AGBL1: variants seen among roughly 807,000 people sequenced by gnomAD.
The protein encoded by AGBL1 is cytosolic carboxypeptidase 4.
Under a neutral mutation model 118.9 loss-of-function variants are expected in AGBL1, and 130 were observed. The observed-to-expected ratio is 1.09, with a 90% CI of 0.95 to 1.26. The LOEUF is 1.26. Ranked by LOEUF, AGBL1 falls within the 50% of genes most tolerant of loss-of-function variation. The pLI, the probability that AGBL1 is intolerant of heterozygous loss-of-function variation, is 0.00. For synonymous variants in AGBL1, 555 were observed against 478.9 expected (o/e 1.16, Z -2.08); for missense variants, 1,584 against 1,298.1 (o/e 1.22, Z -3.38).
At chr15:86,319,235 T>C (rs1241464265) in intron 17 of AGBL1, among the ~76,000 whole-genome samples, 1 of 152,148 alleles carries the variant, frequency 6.6e-6, no homozygotes, top group Non-Finnish European at 1.5e-5. Flanking sequence ...TGTTTAACTT[T>C]ACTAGGGAAT....
chr15:86,459,596 A>T (rs927657898), intron 18 of AGBL1, among the ~76,000 whole-genome samples: 10 of 152,116 alleles, frequency 6.6e-5, no homozygotes, highest in African/African-American at 2.2e-4. Flanking sequence ...TTAAGTCTTG[A>T]TTCTGTTATA....
At chr15:86,776,867 T>C (rs7183366) in intron 22 of AGBL1, among the ~76,000 whole-genome samples, 35,321 of 151,386 alleles carry the variant, frequency 0.23, 4,239 homozygotes, top group African/African-American at 0.29. Flanking sequence ...CACGGGAGTA[T>C]GTATTATTTT....
chr15:86,826,613 G>A (rs1191846016), intron 22 of AGBL1, among the ~76,000 whole-genome samples: 2 of 151,876 alleles, frequency 1.3e-5, no homozygotes, highest in Non-Finnish European at 2.9e-5. Context: ...TAAAATTTCA[G>A]GTTTTAAAAT....
intron 6 of AGBL1, among the ~76,000 whole-genome samples, chr15:86,229,829 A>G (rs952983390): frequency 1.3e-5 from 2 of 152,210 alleles, no homozygotes; most frequent in Non-Finnish European, 2.9e-5. Flanking sequence ...CTTAGTATTA[A>G]CCTTGCTGTC....
chr15:86,217,234 A>G (rs2141905614), intron 5 of AGBL1, among the ~76,000 whole-genome samples: 1 of 152,268 alleles, frequency 6.6e-6, no homozygotes, highest in East Asian at 1.9e-4. Flanking sequence ...TTTGGGTGTA[A>G]GAGTCTTTGG....
chr15:86,129,247 A>T (rs538274987), intron 1 of AGBL1, among the ~76,000 whole-genome samples: 2 of 152,290 alleles, frequency 1.3e-5, no homozygotes, highest in South Asian at 2.1e-4. Flanking sequence ...AACTTGCTAA[A>T]TTTAACTACG....
chr15:86,725,836 C>A (rs140023707), intron 22 of AGBL1, among the ~76,000 whole-genome samples: 1 of 152,264 alleles, frequency 6.6e-6, no homozygotes, highest in Non-Finnish European at 1.5e-5. Context: ...ACACACATAC[C>A]AGTGATTGCT....
At chr15:86,211,644 G>GCCGGGTATGGGACTTGCCGAT (rs2078100441) in intron 5 of AGBL1, among the ~76,000 whole-genome samples, 1 of 152,214 alleles carries the variant, frequency 6.6e-6, no homozygotes. Flanking sequence ...GACTTGCCGA[G>GCCGGGTATGGGACTTGCCGAT]CCAGGCATGG....
chr15:86,733,934 C>T (rs927639718), intron 22 of AGBL1, among the ~76,000 whole-genome samples: 3 of 152,170 alleles, frequency 2.0e-5, no homozygotes, highest in African/African-American at 7.2e-5. Context: ...CACAGTCCTT[C>T]TCACCATTCT....
At chr15:86,329,107 G>C (rs115527480) in intron 17 of AGBL1, among the ~76,000 whole-genome samples, 1 of 152,100 alleles carries the variant, frequency 6.6e-6, no homozygotes, top group South Asian at 2.1e-4. Flanking sequence ...CCTAGGTGAC[G>C]AGACTTGCAG....
chr15:86,962,942 A>G (rs2081008332), intron 23 of AGBL1, among the ~76,000 whole-genome samples: 2 of 152,118 alleles, frequency 1.3e-5, no homozygotes, highest in Admixed American at 6.6e-5. Context: ...CTGCATGTAA[A>G]TTAGAAAACA....
chr15:86,263,520 GC>G (rs2079026661), intron 10 of AGBL1, among the ~76,000 whole-genome samples: 1 of 152,202 alleles, frequency 6.6e-6, no homozygotes, highest in Admixed American at 6.5e-5. Context: ...AGGGTGCCCT[GC>G]CCCCATGCAC....
chr15:86,461,183 C>G (rs2082331107), intron 18 of AGBL1, among the ~76,000 whole-genome samples: 2 of 152,230 alleles, frequency 1.3e-5, no homozygotes, highest in South Asian at 4.1e-4. Flanking sequence ...CCAGCTGCCT[C>G]TACCATGCCC....
chr15:86,442,448 A>G (rs1162927218), intron 18 of AGBL1, among the ~76,000 whole-genome samples: 1 of 152,200 alleles, frequency 6.6e-6, no homozygotes, highest in African/African-American at 2.4e-5. Flanking sequence ...TTACCTCACA[A>G]AGGTTTTCAA....
At position 86,554,396 on chromosome 15, in the gene AGBL1, A is replaced by T; in HGVS notation, c.2853A>T (p.Ala951=). ...LPKILDKLAP[A]FTMSSCSFLV... ...AAATCCTTGATAAGCTAGCACCAGC[A>T]TTCACAATGAGCAGCTGCAGCTTTC... Residue 951 remains alanine (A), a synonymous_variant, in exon 21 of 23, where the codon GCA becomes GCT. Coordinates refer to ENST00000614907, the MANE Select transcript of AGBL1 (RefSeq NM_001386094.1). 6.3e-7 allele frequency: 1 copy of T among 1,587,686 alleles called. No homozygotes were observed. Among genetic ancestry groups the T allele is most frequent in the Middle Eastern group, 1.7e-4 (1 of 6,012 alleles).
At chr15:86,217,752 T>C (rs2078212968) in intron 5 of AGBL1, among the ~76,000 whole-genome samples, 1 of 152,176 alleles carries the variant, frequency 6.6e-6, no homozygotes, top group Admixed American at 6.5e-5. Flanking sequence ...GGCAGAGGTA[T>C]AGAAAGCAAG....
intron 6 of AGBL1, among the ~76,000 whole-genome samples, chr15:86,231,598 C>T (rs1461773634): frequency 6.6e-6 from 1 of 152,152 alleles, no homozygotes; most frequent in African/African-American, 2.4e-5. Context: ...AAATATCTAC[C>T]ATTTAGCAAG....
At chr15:86,633,826 ATATAATG>A (rs1270150004) in intron 21 of AGBL1, among the ~76,000 whole-genome samples, 12 of 10,418 alleles carry the variant, frequency 1.2e-3, no homozygotes, top group East Asian at 6.9e-3. Context: ...ATGTATATAT[ATATAATG>A]TATATATATA....
At chr15:86,779,896 A>C (rs2078308126) in intron 22 of AGBL1, among the ~76,000 whole-genome samples, 1 of 149,058 alleles carries the variant, frequency 6.7e-6, no homozygotes, top group Non-Finnish European at 1.5e-5. Flanking sequence ...TTGAGTTGGA[A>C]AAGTATGTGT....
Sources: allele counts gnomAD v4.1 joint callset (sites outside exome capture counted in the v4.1 genomes callset), GRCh38; gene constraint gnomAD v4.1.1; transcripts MANE v1.5; gene names NCBI Gene and HGNC (gene_info 2026-07-23, HGNC 2026-07-21).